MYO7B: variants seen among roughly 807,000 people sequenced by gnomAD.
The protein encoded by MYO7B is myosin VIIB, also known as unconventional myosin-VIIb.
A neutral mutation model predicts 259.7 loss-of-function variants in MYO7B; 212 were observed. The observed-to-expected ratio is 0.82, with a 90% CI of 0.73 to 0.91. The LOEUF is 0.91. Among genes scored for constraint, MYO7B ranks in the 40% least tolerant of loss-of-function variants. The pLI is 0.00. For missense variants in MYO7B, 2,732 were observed against 2,813.5 expected (o/e 0.97, Z 0.66); for synonymous variants, 1,197 against 1,166.4 (o/e 1.03, Z -0.54).
intron 4 of MYO7B, among the ~76,000 whole-genome samples, chr2:127,566,429 C>G (rs1056439250): frequency 6.6e-6 from 1 of 152,248 alleles, no homozygotes; most frequent in African/African-American, 2.4e-5. Flanking sequence ...TCCCTGGGAG[C>G]TCACCTTCCT....
Position 127,559,678 on chromosome 2 carries a change from T to G in MYO7B, c.-23-22T>G, listed in dbSNP as rs769236077. ...TTGGGGCTGTGTATGGAGCTGACGT[T>G]CTGCTTTCTCTCTCCATACAGGCTT... is the stretch of plus-strand genomic sequence containing the variant. On this transcript the variant is annotated intron_variant, in intron 1 of 47. Coordinates refer to ENST00000409816, the MANE Select transcript of MYO7B (RefSeq NM_001393586.1). This position sits in a 1 kb window ranked among gnomAD's most constrained non-coding sequence, Gnocchi z 4.1. The G allele has an allele frequency of 1.2e-6, 2 of 1,613,500 alleles. No homozygotes were observed. Among genetic ancestry groups the G allele is most frequent in the Admixed American group, 3.3e-5 (2 of 60,030 alleles).
At chr2:127,545,790 C>T (rs1693206297) in intron 1 of MYO7B, among the ~76,000 whole-genome samples, 1 of 152,214 alleles carries the variant, frequency 6.6e-6, no homozygotes, top group Admixed American at 6.5e-5. Flanking sequence ...CCGGTGAACG[C>T]CCAGTAAGTG....
chr2:127,548,372 C>G (rs1158812856), intron 1 of MYO7B, among the ~76,000 whole-genome samples: 1 of 149,700 alleles, frequency 6.7e-6, no homozygotes. Context: ...CTTCTTCTTT[C>G]TCTAGTTTCC....
rs368516972 is a variant in MYO7B at position 127,576,600 on chromosome 2, C to G, written c.741C>G (p.Pro247=). The change falls in exon 8 of 48, where the codon CCC becomes CCG. Residue 247 remains proline, a synonymous_variant. Transcript: ENST00000409816. The surrounding 1 kb of genome is among the most constrained non-coding windows in gnomAD (Gnocchi z 4.9). ...ATGCCCTCCCTCCCTCCCAGGCTCCCGAGGAGCGGAACTACCATATCTTCT... is the reference window on the plus strand; with the variant it reads ...ATGCCCTCCCTCCCTCCCAGGCTCCGGAGGAGCGGAACTACCATATCTTCT... ...LEKSRVCRQA[P]EERNYHIFYC... 2 of 1,592,914 alleles carry G rather than the reference C, an allele frequency of 1.3e-6. No homozygotes were observed. Among genetic ancestry groups the G allele is most frequent in the Non-Finnish European group, 1.7e-6 (2 of 1,164,516 alleles).
chr2:127,624,219 T>C lies in MYO7B; in HGVS notation c.3946T>C (p.Phe1316Leu). Reference sequence around the variant, plus strand: ...GCGCATCTACTTCCGGAAGGAATTCTTCACCCCCTGGCACGACTCCCGGGA... The same window carrying C: ...GCGCATCTACTTCCGGAAGGAATTCCTCACCCCCTGGCACGACTCCCGGGA... Reference protein sequence around the residue: ...PWRIYFRKEFFTPWHDSREDP... With the variant: ...PWRIYFRKEFLTPWHDSREDP... The change falls in exon 30 of 48, where the codon TTC (phenylalanine) becomes CTC (leucine). Residue 1316 changes from phenylalanine (F) to leucine (L), a missense_variant. Transcript: ENST00000409816. The C allele has an allele frequency of 6.3e-7, 1 of 1,598,268 alleles. No individual in the cohort carries two copies.
Position 127,607,895 on chromosome 2 carries a change from G to A in MYO7B, c.2643+471G>A, listed in dbSNP as rs372949230. 1.3e-5 allele frequency among the ~76,000 whole-genome samples: 2 copies of A among 152,314 alleles called. No individual in the cohort carries two copies. Among genetic ancestry groups the A allele is most frequent in the African/African-American group, 4.8e-5 (2 of 41,574 alleles). ...CCCCTGGAAGGTGCAGCAAAGCTGA[G>A]CCAGACAAGCTGGGAAAGGCCCCAG... On this transcript the variant is annotated intron_variant, in intron 21 of 47. Coordinates refer to ENST00000409816, the MANE Select transcript of MYO7B (RefSeq NM_001393586.1). This position sits in a 1 kb window ranked among gnomAD's most constrained non-coding sequence, Gnocchi z 4.4.
At position 127,630,766 on chromosome 2, in the gene MYO7B, T is replaced by TACA. The variant is rs1481232012; in HGVS notation, c.4807-12_4807-11insACA. 2.5e-6 allele frequency: 4 copies of TACA among 1,612,296 alleles called. No individual in the cohort carries two copies. In the Admixed American group the frequency reaches 6.7e-5, roughly 27 times the overall value. On this transcript the variant is annotated splice_polypyrimidine_tract_variant and intron_variant, in intron 35 of 47. Transcript: ENST00000409816. ...TGGCTCCTGGGCACCCACAGGCCTG[T>TACA]GCCCCCTTCAGAGCTTGCTTGCCAT...
chr2:127,584,340 T>G lies in MYO7B; in HGVS notation c.1554+8T>G. On this transcript the variant is annotated splice_region_variant and intron_variant, in intron 13 of 47. Transcript: ENST00000409816. The surrounding 1 kb of genome is among the most constrained non-coding windows in gnomAD (Gnocchi z 5.8). Reference sequence around the variant, plus strand: ...GAAAGCCGCTTCCCGCAGGTGTGTGTTCGGGCCTGCCGACCTTCTGGTGGA... The same window carrying G: ...GAAAGCCGCTTCCCGCAGGTGTGTGGTCGGGCCTGCCGACCTTCTGGTGGA... 6.2e-7 allele frequency: 1 copy of G among 1,613,592 alleles called. No homozygotes were observed. Among genetic ancestry groups the G allele is most frequent in the Non-Finnish European group, 8.5e-7 (1 of 1,179,676 alleles).
rs532791333 is a variant in MYO7B, at chr2:127,539,248, G to A, written c.-24+3417G>A. Among the ~76,000 whole-genome samples, 6 of 152,304 alleles carry A rather than the reference G, an allele frequency of 3.9e-5. No individual in the cohort carries two copies. Among genetic ancestry groups the A allele is most frequent in the Admixed American group, 2.0e-4 (3 of 15,296 alleles). On this transcript the variant is annotated intron_variant, in intron 1 of 47. Transcript: ENST00000409816. The surrounding 1 kb of genome is among the most constrained non-coding windows in gnomAD (Gnocchi z 4.0). ...AATCAAAAATAAAATAAGCTGGGAC[G>A]TAGGATAAATGAAGGTAGGAAAATA...
chr2:127,573,506 T>A (rs543607929), intron 6 of MYO7B, among the ~76,000 whole-genome samples: 1 of 152,264 alleles, frequency 6.6e-6, no homozygotes, highest in East Asian at 1.9e-4. Flanking sequence ...ACCTGAGCCA[T>A]CTTTCTAAGC....
rs776089743 is a variant in MYO7B, at chr2:127,585,902, C to T, written c.1690+989C>T. Among the ~76,000 whole-genome samples, 2 of 152,306 alleles carry T rather than the reference C, an allele frequency of 1.3e-5. No individual in the cohort carries two copies. The highest frequency in any genetic ancestry group is 2.4e-5 in the African/African-American group (1 of 41,556). The stretch of plus-strand genomic sequence containing the variant: ...GAGGGATGTCTATTTAAATGCTCTG[C>T]CTGTGTTTTCACTGGGTTGTCTTTT... On this transcript the variant is annotated intron_variant, in intron 14 of 47. Coordinates refer to ENST00000409816, the MANE Select transcript of MYO7B (RefSeq NM_001393586.1). This position sits in a 1 kb window ranked among gnomAD's most constrained non-coding sequence, Gnocchi z 4.3.
intron 43 of MYO7B, 102 bp downstream of exon 43, chr2:127,635,328 G>C: frequency 1.8e-6 from 2 of 1,142,474 alleles, no homozygotes; most frequent in South Asian, 2.7e-5. Flanking sequence ...GCCAGCCTCA[G>C]CCCTGGGTAC....
Position 127,632,375 on chromosome 2 carries a change from C to A in MYO7B, c.5379C>A (p.Cys1793Ter). The A allele has an allele frequency of 6.3e-7, 1 of 1,578,834 alleles. No homozygotes were observed. The highest frequency in any genetic ancestry group is 8.6e-7 in the Non-Finnish European group (1 of 1,161,980). ...TRRGKLLAPD[C>*]SRRIQKVLRT... ...GGGGGAAGCTGCTGGCCCCCGACTGCAGCCGCCGAATCCAGAAGGTCCTGA... is the reference window on the plus strand; with the variant it reads ...GGGGGAAGCTGCTGGCCCCCGACTGAAGCCGCCGAATCCAGAAGGTCCTGA... Residue 1793 changes from cysteine to a stop codon, truncating the protein, a stop_gained, in exon 39 of 48, where the codon TGC (cysteine) becomes TGA (stop). Coordinates refer to ENST00000409816, the MANE Select transcript of MYO7B (RefSeq NM_001393586.1). LOFTEE classifies it high-confidence loss of function.
chr2:127,625,589 G>A, intron 31 of MYO7B, 54 bp downstream of exon 31: 2 of 1,503,870 alleles, frequency 1.3e-6, no homozygotes, highest in South Asian at 2.7e-5. Context: ...TTGGGAGGTG[G>A]GGGGGCTCAT....
At chr2:127,625,817 C>T (rs1373352522) in intron 31 of MYO7B, among the ~76,000 whole-genome samples, 2 of 152,214 alleles carry the variant, frequency 1.3e-5, no homozygotes, top group Non-Finnish European at 2.9e-5. Context: ...GCCAGGCCCT[C>T]GCTTCTTGGG....
chr2:127,623,143 G>T lies in MYO7B; in HGVS notation c.3646-59G>T, dbSNP rs984611777. 9.5e-5 allele frequency: 150 copies of T among 1,585,568 alleles called. 1 individual carries two copies. Among genetic ancestry groups the T allele is most frequent in the Non-Finnish European group, 6.0e-6 (7 of 1,163,040 alleles). On this transcript the variant is annotated intron_variant, in intron 28 of 47. Coordinates refer to ENST00000409816, the MANE Select transcript of MYO7B (RefSeq NM_001393586.1). ...AGAGGAGGGAGGTAGTGGATGGGGGGTTGGCCTCCTGTCCATAGGTTCCAA... is the reference window on the plus strand; with the variant it reads ...AGAGGAGGGAGGTAGTGGATGGGGGTTTGGCCTCCTGTCCATAGGTTCCAA...
rs1164499802 is a variant in MYO7B at position 127,609,414 on chromosome 2, C to T, written c.2815-92C>T. On this transcript the variant is annotated intron_variant, in intron 22 of 47. Coordinates refer to ENST00000409816, the MANE Select transcript of MYO7B (RefSeq NM_001393586.1). The surrounding 1 kb of genome is among the most constrained non-coding windows in gnomAD (Gnocchi z 6.9). ...TGAGGGATCAGGGTAATGCAACAGC[C>T]CCCGTGCTGCCCGGCCTGCTGGACA... 8 of 1,172,770 alleles carry T rather than the reference C, an allele frequency of 6.8e-6. No homozygotes were observed. Among genetic ancestry groups the T allele is most frequent in the Non-Finnish European group, 9.8e-6 (8 of 813,710 alleles). The allele number at this position is 1,172,770 out of a possible 1,614,324, so 72.6% of individuals were successfully genotyped here. A position where few individuals can be genotyped will look rare whatever the true frequency, so the allele number is the denominator to read the frequency against.
rs781600321 is a variant in MYO7B at position 127,630,736 on chromosome 2, G to T, written c.4807-42G>T. 9 of 1,606,896 alleles carry T rather than the reference G, an allele frequency of 5.6e-6. No homozygotes were observed. In the East Asian group the frequency reaches 1.8e-4, roughly 32 times the overall value. ...AGGAGCCTGCAGGAAGGGCCTCATGGGCGGTGGCTCCTGGGCACCCACAGG... is the reference window on the plus strand; with the variant it reads ...AGGAGCCTGCAGGAAGGGCCTCATGTGCGGTGGCTCCTGGGCACCCACAGG... On this transcript the variant is annotated intron_variant, in intron 35 of 47. Transcript: ENST00000409816.
rs1291320094 is a variant in MYO7B, at chr2:127,597,442, T to A, written c.2339+886T>A. On this transcript the variant is annotated intron_variant, in intron 19 of 47. Coordinates refer to ENST00000409816, the MANE Select transcript of MYO7B (RefSeq NM_001393586.1). This position sits in a 1 kb window ranked among gnomAD's most constrained non-coding sequence, Gnocchi z 4.8. ...TTAGCCACGCCCCCTCCCTCACACC[T>A]GCCCCCAGTGCTGCTTAACCCCAGC... is the stretch of plus-strand genomic sequence containing the variant. Among the ~76,000 whole-genome samples the A allele has an allele frequency of 1.3e-5, 2 of 152,054 alleles. No individual in the cohort carries two copies. The highest frequency in any genetic ancestry group is 2.9e-5 in the Non-Finnish European group (2 of 68,006).
Sources: gnomAD v4.1 joint callset for allele counts (sites outside exome capture counted in the v4.1 genomes callset) on GRCh38, gnomAD v4.1.1 for gene constraint, Gnocchi (gnomAD v3.1) non-coding constraint, MANE v1.5 for transcripts, NCBI Gene and HGNC (gene_info 2026-07-23, HGNC 2026-07-21) for gene names.